NDST4: variants seen among roughly 807,000 people sequenced by gnomAD.
NDST4 encodes N-heparan sulfate sulfotransferase 4.
NDST4 carries 63 observed loss-of-function variants against 100.8 expected under a neutral mutation model. That is an observed-to-expected ratio of 0.62 (90% CI 0.51 to 0.77). NDST4 has a LOEUF of 0.77. Among genes scored for constraint, NDST4 ranks in the 30% least tolerant of loss-of-function variants. The pLI is 0.00. For missense variants in NDST4, 943 were observed against 1,018.4 expected (o/e 0.93, Z 1.01); for synonymous variants, 377 against 361.8 (o/e 1.04, Z -0.48).
At chr4:114,902,664 G>A (rs771253443) in intron 6 of NDST4, among the ~76,000 whole-genome samples, 6 of 151,642 alleles carry the variant, frequency 4.0e-5, no homozygotes, top group Non-Finnish European at 5.9e-5. Flanking sequence ...TATTCTCTTC[G>A]TTTCTCTCTT....
intron 2 of NDST4, among the ~76,000 whole-genome samples, chr4:115,063,642 C>G (rs1378563017): frequency 6.6e-6 from 1 of 151,774 alleles, no homozygotes; most frequent in African/African-American, 2.4e-5. Flanking sequence ...ATAATCTGAG[C>G]CAATTAATTG....
chr4:115,027,934 T>A (rs1162002776), intron 2 of NDST4, among the ~76,000 whole-genome samples: 2 of 151,846 alleles, frequency 1.3e-5, no homozygotes, highest in African/African-American at 4.8e-5. Flanking sequence ...ATGCCTATAA[T>A]CCCAGCTACT....
intron 2 of NDST4, among the ~76,000 whole-genome samples, chr4:114,993,092 T>C (rs1441589258): frequency 1.3e-5 from 2 of 151,916 alleles, no homozygotes; most frequent in Non-Finnish European, 2.9e-5. Flanking sequence ...AGTAAGTGCT[T>C]AGAATTTCAA....
intron 6 of NDST4, among the ~76,000 whole-genome samples, chr4:114,877,086 A>ACACACG: frequency 6.6e-6 from 1 of 151,684 alleles, no homozygotes; most frequent in African/African-American, 2.4e-5. Flanking sequence ...ACACACACAC[A>ACACACG]CGCGTGCACG....
intron 6 of NDST4, among the ~76,000 whole-genome samples, chr4:114,907,029 A>G (rs540041514): frequency 1.3e-3 from 200 of 152,224 alleles, no homozygotes; most frequent in Non-Finnish European, 2.2e-3. Flanking sequence ...ATCTAGTGGG[A>G]AAGTACATTA....
At chr4:114,883,006 T>C (rs1314727749) in intron 6 of NDST4, among the ~76,000 whole-genome samples, 3 of 151,996 alleles carry the variant, frequency 2.0e-5, no homozygotes, top group Admixed American at 6.6e-5. Context: ...AAAGTTATCA[T>C]TCAAAAGTGA....
intron 2 of NDST4, among the ~76,000 whole-genome samples, chr4:115,053,866 C>T (rs1728638860): frequency 1.3e-5 from 2 of 152,050 alleles, no homozygotes; most frequent in African/African-American, 2.4e-5. Flanking sequence ...ATCATACTAC[C>T]TCTTCTTACA....
intron 10 of NDST4, among the ~76,000 whole-genome samples, chr4:114,841,139 C>T (rs1723415420): frequency 6.6e-6 from 1 of 152,018 alleles, no homozygotes; most frequent in South Asian, 2.1e-4. Context: ...TGACTTTTAC[C>T]AGTTTAGCAC....
intron 2 of NDST4, among the ~76,000 whole-genome samples, chr4:115,058,691 A>C (rs1728752808): frequency 6.6e-6 from 1 of 152,046 alleles, no homozygotes; most frequent in East Asian, 1.9e-4. Context: ...CTTTGAGGTA[A>C]AGGCAACAAC....
At chr4:114,978,398 T>C (rs2126244761) in intron 2 of NDST4, among the ~76,000 whole-genome samples, 1 of 152,088 alleles carries the variant, frequency 6.6e-6, no homozygotes, top group South Asian at 2.1e-4. Flanking sequence ...AATGACTAAG[T>C]AACTAAAATG....
At chr4:114,924,559 TCTC>T (rs1173306970) in intron 6 of NDST4, among the ~76,000 whole-genome samples, 1 of 152,036 alleles carries the variant, frequency 6.6e-6, no homozygotes, top group African/African-American at 2.4e-5. Flanking sequence ...TGGTGGCTGT[TCTC>T]CTCAGCTCTA....
chr4:114,901,366 T>C (rs1251868225), intron 6 of NDST4, among the ~76,000 whole-genome samples: 1 of 152,082 alleles, frequency 6.6e-6, no homozygotes, highest in Admixed American at 6.6e-5. Context: ...TTAATCACTA[T>C]TTTATTATTT....
chr4:115,106,369 T>C (rs915045457), intron 1 of NDST4, among the ~76,000 whole-genome samples: 1 of 152,130 alleles, frequency 6.6e-6, no homozygotes, highest in Non-Finnish European at 1.5e-5. Flanking sequence ...GGTAATTTTA[T>C]AATTGGAGAA....
chr4:115,035,528 ATG>A (rs978354595), intron 2 of NDST4, among the ~76,000 whole-genome samples: 18 of 152,028 alleles, frequency 1.2e-4, no homozygotes, highest in Admixed American at 1.1e-3. Context: ...AGCAGAAGAA[ATG>A]TGTTTTAAGA....
rs528609657 is a variant in NDST4 at position 114,983,255 on chromosome 4, T to TCA, written c.979-5983_979-5982dup. On this transcript the variant is annotated intron_variant, in intron 2 of 13. Transcript: ENST00000264363. ...TCCGCCAGACCACAGAATGGTAAAT[T>TCA]CACTGACCAGCTTCCACTGTGTGCC... Among the ~76,000 whole-genome samples the TCA allele has an allele frequency of 1.9e-3, 288 of 152,254 alleles. 1 individual carries two copies. Among genetic ancestry groups the TCA allele is most frequent in the African/African-American group, 6.7e-3 (278 of 41,550 alleles).
chr4:115,048,268 T>C (rs1728507614), intron 2 of NDST4, among the ~76,000 whole-genome samples: 2 of 152,146 alleles, frequency 1.3e-5, no homozygotes, highest in African/African-American at 4.8e-5. Flanking sequence ...AAAAGAAAAC[T>C]TCTACTCTGA....
chr4:114,843,182 T>C (rs1723469473), intron 10 of NDST4, among the ~76,000 whole-genome samples: 1 of 152,148 alleles, frequency 6.6e-6, no homozygotes, highest in African/African-American at 2.4e-5. Flanking sequence ...ACATATTTCG[T>C]TTTAGGCTTT....
In NDST4 at chr4:115,008,871, A is replaced by T. The variant is rs535915668; in HGVS notation, c.979-31597T>A. 2.4e-5 allele frequency among the ~76,000 whole-genome samples: 3 copies of T among 124,614 alleles called. 1 individual carries two copies. The Admixed American group carries it at 2.4e-4, about 10-fold the overall frequency. 81.8% of individuals were successfully genotyped at this position (124,614 alleles called of 152,430 possible). On this transcript the variant is annotated intron_variant, in intron 2 of 13. Coordinates refer to ENST00000264363, the MANE Select transcript of NDST4 (RefSeq NM_022569.3). ...CAAAATCAATGGACACAAATCACAA[A>T]CATTCTTATACACCAATAACAGACA... is the stretch of plus-strand genomic sequence containing the variant.
chr4:114,846,856 T>G (rs1034082499), intron 9 of NDST4, among the ~76,000 whole-genome samples: 5 of 152,204 alleles, frequency 3.3e-5, no homozygotes, highest in African/African-American at 1.2e-4. Flanking sequence ...CTCATCTATA[T>G]TCCTGCTAAA....
Sources: gnomAD v4.1 joint callset for allele counts (sites outside exome capture counted in the v4.1 genomes callset) on GRCh38, gnomAD v4.1.1 for gene constraint, MANE v1.5 for transcripts, NCBI Gene and HGNC (gene_info 2026-07-23, HGNC 2026-07-21) for gene names.